The following PARP15 variants were observed in gnomAD, a reference collection of about 807,000 sequenced individuals.
PARP15 encodes protein mono-ADP-ribosyltransferase PARP15.
PARP15 carries 50 observed loss-of-function variants against 62.1 expected under a neutral mutation model. The observed-to-expected ratio is 0.81, with a 90% confidence interval of 0.64 to 1.02. The LOEUF is 1.02. Among genes scored for constraint, PARP15 ranks in the 50% least tolerant of loss-of-function variants. The probability of loss-of-function intolerance (pLI) is 0.00; values close to 1 mark genes in which losing one functional copy is unlikely to be tolerated. For synonymous variants in PARP15, 309 were observed against 293.1 expected (o/e 1.05, Z -0.55); for missense variants, 820 against 826.5 (o/e 0.99, Z 0.10).
intron 1 of PARP15, among the ~76,000 whole-genome samples, chr3:122,597,734 T>C (rs1302440377): frequency 6.6e-6 from 1 of 152,186 alleles, no homozygotes; most frequent in Admixed American, 6.5e-5. Flanking sequence ...ACATATAGAT[T>C]TTATATATAT....
chr3:122,616,721 CTT>C (rs1491479138), intron 5 of PARP15, among the ~76,000 whole-genome samples: 5 of 152,120 alleles, frequency 3.3e-5, no homozygotes, highest in African/African-American at 1.2e-4. Flanking sequence ...ACTCCTCTCT[CTT>C]GACACCCCAG....
At chr3:122,631,958 G>T in intron 9 of PARP15, 128 bp from the exon 10 acceptor site, 2 of 995,734 alleles carry the variant, frequency 2.0e-6, no homozygotes, top group Non-Finnish European at 3.1e-6. Flanking sequence ...AGAAGCAATT[G>T]TGAAATGTGT....
chr3:122,585,435 T>C (rs777771175), intron 1 of PARP15, among the ~76,000 whole-genome samples: 1 of 152,208 alleles, frequency 6.6e-6, no homozygotes, highest in Non-Finnish European at 1.5e-5. Flanking sequence ...AAAGAGGTAG[T>C]GCTAAGAGAC....
At chr3:122,599,195 C>T (rs1216829615) in intron 1 of PARP15, among the ~76,000 whole-genome samples, 2 of 152,188 alleles carry the variant, frequency 1.3e-5, no homozygotes, top group South Asian at 2.1e-4. Context: ...CACACCCAGC[C>T]TGTCCTTTAG....
chr3:122,588,073 A>G (rs9880647), intron 1 of PARP15, among the ~76,000 whole-genome samples: 56,457 of 152,032 alleles, frequency 0.37, 10,913 homozygotes, highest in Admixed American at 0.46. Context: ...ATTTTAAAGT[A>G]TAGCAAGCCA....
chr3:122,627,766 A>G (rs1010314563), intron 9 of PARP15, among the ~76,000 whole-genome samples: 1 of 152,230 alleles, frequency 6.6e-6, no homozygotes, highest in African/African-American at 2.4e-5. Flanking sequence ...CTGCTGTCAG[A>G]AGAAATGTCA....
At chr3:122,591,396 T>C (rs1406158950) in intron 1 of PARP15, among the ~76,000 whole-genome samples, 1 of 152,252 alleles carries the variant, frequency 6.6e-6, no homozygotes, top group Non-Finnish European at 1.5e-5. Context: ...ATGGAGTCTG[T>C]TACTGGCCTG....
rs543389746 is a variant in PARP15 at position 122,610,550 on chromosome 3, A to G, written c.363A>G (p.Leu121=). 1.9e-6 allele frequency: 3 copies of G among 1,551,736 alleles called. No individual in the cohort carries two copies. Among genetic ancestry groups the G allele is most frequent in the African/African-American group, 1.4e-5 (1 of 73,176 alleles). ...PMNLQLGGGP[L]SRAFLQKAGP... ...ATCTTCAGCTTGGAGGAGGACCACT[A>G]TCTCGGGCATTTTTGCAGAAAGCTG... Residue 121 remains leucine (L), a synonymous_variant, in exon 3 of 12, where the codon CTA becomes CTG. Transcript: ENST00000464300.
chr3:122,627,055 A>G, intron 9 of PARP15, 22 bp downstream of exon 9: 1 of 1,563,776 alleles, frequency 6.4e-7, no homozygotes, highest in Non-Finnish European at 8.8e-7. Flanking sequence ...ACTTTTTAAA[A>G]ATCACCCTGC....
intron 9 of PARP15, among the ~76,000 whole-genome samples, chr3:122,630,521 CA>C (rs1166135565): frequency 1.3e-5 from 2 of 149,764 alleles, no homozygotes; most frequent in African/African-American, 2.5e-5. Context: ...CTCATCTCTA[CA>C]AAAAAAAATA....
Position 122,635,980 on chromosome 3 carries a change from T to C in PARP15, c.1917T>C (p.Asn639=), listed in dbSNP as rs776490190. The change falls in exon 12 of 12, where the codon AAT becomes AAC. Residue 639 remains asparagine (N), a synonymous_variant. Coordinates refer to ENST00000464300, the MANE Select transcript of PARP15 (RefSeq NM_001113523.3). ...RAGLVTPPPK[N]PHNPTDLFDS... Reference sequence around the variant, plus strand: ...GATTAGTCACCCCTCCACCCAAGAATCCTCACAATCCCACAGATCTCTTTG... The same window carrying C: ...GATTAGTCACCCCTCCACCCAAGAACCCTCACAATCCCACAGATCTCTTTG... 14 of 1,613,964 alleles carry C rather than the reference T, an allele frequency of 8.7e-6. No individual in the cohort carries two copies. The Admixed American group carries it at 2.3e-4, about 27-fold the overall frequency.
chr3:122,596,946 C>T (rs1409467659), intron 1 of PARP15, among the ~76,000 whole-genome samples: 1 of 152,192 alleles, frequency 6.6e-6, no homozygotes, highest in Non-Finnish European at 1.5e-5. Flanking sequence ...GAGAGGCTAT[C>T]TACAAAGAAA....
chr3:122,617,775 C>G (rs898479214), intron 6 of PARP15, among the ~76,000 whole-genome samples: 1 of 152,232 alleles, frequency 6.6e-6, no homozygotes, highest in Non-Finnish European at 1.5e-5. Flanking sequence ...GTCGCCCAGG[C>G]TGGAATGCAG....
chr3:122,608,213 CTTT>C (rs71136576), intron 2 of PARP15, among the ~76,000 whole-genome samples: 37 of 113,912 alleles, frequency 3.2e-4, no homozygotes, highest in African/African-American at 5.5e-4. Context: ...TTTCTCTTTT[CTTT>C]TTTTTTTTTT....
chr3:122,635,078 T>C lies in PARP15; in HGVS notation c.1631T>C (p.Met544Thr), dbSNP rs1041554422. The C allele has an allele frequency of 3.7e-6, 6 of 1,613,996 alleles. No individual in the cohort carries two copies. Among genetic ancestry groups the C allele is most frequent in the Non-Finnish European group, 5.1e-6 (6 of 1,179,954 alleles). ...AGCTACCAGGTAAAGAAAAGGCAAATGGATATCAAGAATGACCATAAGAAT... is the reference window on the plus strand; with the variant it reads ...AGCTACCAGGTAAAGAAAAGGCAAACGGATATCAAGAATGACCATAAGAAT... ...WQSYQVKKRQ[M>T]DIKNDHKNNE... The change falls in exon 11 of 12, where the codon ATG becomes ACG. Residue 544 changes from methionine (M) to threonine (T), a missense_variant. Transcript: ENST00000464300.
intron 7 of PARP15, among the ~76,000 whole-genome samples, chr3:122,620,349 G>C (rs1936258534): frequency 6.6e-6 from 1 of 152,204 alleles, no homozygotes; most frequent in Non-Finnish European, 1.5e-5. Flanking sequence ...TTATGAATGA[G>C]TGTGGACTTT....
chr3:122,586,693 A>T (rs1052220585), intron 1 of PARP15, among the ~76,000 whole-genome samples: 1 of 152,156 alleles, frequency 6.6e-6, no homozygotes, highest in Non-Finnish European at 1.5e-5. Flanking sequence ...CAGAAAGTAC[A>T]GAGTTCCTAT....
At chr3:122,631,916 T>G (rs1937079224) in intron 9 of PARP15, among the ~76,000 whole-genome samples, 170 bp from the exon 10 acceptor site, 1 of 152,250 alleles carries the variant, frequency 6.6e-6, no homozygotes, top group Admixed American at 6.5e-5. Flanking sequence ...ACCATTCACT[T>G]CATCTGGATT....
intron 8 of PARP15, among the ~76,000 whole-genome samples, chr3:122,624,306 C>G (rs1335898099): frequency 6.6e-6 from 1 of 152,156 alleles, no homozygotes; most frequent in Non-Finnish European, 1.5e-5. Flanking sequence ...ACTGTACGTT[C>G]TAGGTGTTTT....
Sources: allele counts gnomAD v4.1 joint callset (sites outside exome capture counted in the v4.1 genomes callset), GRCh38; gene constraint gnomAD v4.1.1; transcripts MANE v1.5; gene names NCBI Gene and HGNC (gene_info 2026-07-23, HGNC 2026-07-21).